Variants in SPTSSA observed in about 807,000 individuals in gnomAD.
SPTSSA encodes the protein serine palmitoyltransferase small subunit A.
SPTSSA carries 8 observed loss-of-function variants against 9.1 expected under a neutral mutation model. The ratio of observed to expected loss-of-function variants is 0.88; its 90% CI spans 0.51 to 1.58. The LOEUF is 1.58. SPTSSA is among the 40% of genes most tolerant of loss of function. SPTSSA has a pLI of 0.00. For missense variants in SPTSSA, 100 were observed against 93.8 expected (o/e 1.07, Z -0.27); for synonymous variants, 42 against 37.7 (o/e 1.11, Z -0.41).
chr14:34,448,851 T>A (rs1241680929), intron 1 of SPTSSA, among the ~76,000 whole-genome samples: 1 of 150,776 alleles, frequency 6.6e-6, no homozygotes, highest in Non-Finnish European at 1.5e-5. Flanking sequence ...AATTAAAAAA[T>A]TAGCTGGGCA....
chr14:34,459,779 T>TCACACACA (rs112310300), intron 1 of SPTSSA, among the ~76,000 whole-genome samples: 61 of 151,738 alleles, frequency 4.0e-4, no homozygotes, highest in African/African-American at 1.5e-3. Context: ...AAACACTGTC[T>TCACACACA]CACACACACA....
At chr14:34,436,149 C>T (rs1432959135) in intron 1 of SPTSSA, among the ~76,000 whole-genome samples, 1 of 152,210 alleles carries the variant, frequency 6.6e-6, no homozygotes, top group Non-Finnish European at 1.5e-5. Context: ...ATGACAGCAA[C>T]TGCTACTGCT....
rs1048090666 is a variant in SPTSSA at position 34,433,473 on chromosome 14, T to A, written c.*1728A>T. Reference sequence around the variant, plus strand: ...AATCCTCGTATTATTTTTCTTGAGATAATATGACTACAGCTCAGATATAAC... The same window carrying A: ...AATCCTCGTATTATTTTTCTTGAGAAAATATGACTACAGCTCAGATATAAC... On this transcript the variant is annotated 3_prime_UTR_variant, in exon 2 of 2. Coordinates refer to ENST00000298130, the MANE Select transcript of SPTSSA (RefSeq NM_138288.4). 6.6e-6 allele frequency: 1 copy of A among 152,174 alleles called. No homozygotes were observed. Among genetic ancestry groups the A allele is most frequent in the Non-Finnish European group, 1.5e-5 (1 of 68,032 alleles). The allele number at this position is 152,174 out of a possible 1,614,324, so 9.4% of individuals were successfully genotyped here. A position where few individuals can be genotyped will look rare whatever the true frequency, so the allele number is the denominator to read the frequency against.
intron 1 of SPTSSA, among the ~76,000 whole-genome samples, chr14:34,438,867 G>A (rs868494002): frequency 2.0e-5 from 3 of 152,258 alleles, no homozygotes; most frequent in Middle Eastern, 6.8e-3. Flanking sequence ...TTACTAGAAT[G>A]ATCCTTTTAA....
In SPTSSA at chr14:34,435,176, ACCTCTGATCCTGGTC is replaced by A. The variant is rs1883219096; in HGVS notation, c.*10_*24del. 6.3e-7 allele frequency: 1 copy of A among 1,590,310 alleles called. No individual in the cohort carries two copies. Among genetic ancestry groups the A allele is most frequent in the Admixed American group, 1.7e-5 (1 of 59,318 alleles). On this transcript the variant is annotated 3_prime_UTR_variant, in exon 2 of 2. Coordinates refer to ENST00000298130, the MANE Select transcript of SPTSSA (RefSeq NM_138288.4). ...TCGTAGGGTGGGTCTTCCCCAAGGA[ACCTCTGATCCTGGTC>A]GCATCTTGGTCATTGTACGATTTCA...
At chr14:34,448,735 C>G (rs747716300) in intron 1 of SPTSSA, among the ~76,000 whole-genome samples, 25 of 152,176 alleles carry the variant, frequency 1.6e-4, no homozygotes, top group Non-Finnish European at 1.5e-5. Context: ...TGCGTTTTGA[C>G]CAATTCTTTG....
At chr14:34,435,623 CTTTTTTT>C (rs769896697) in intron 1 of SPTSSA, among the ~76,000 whole-genome samples, 2 of 92,444 alleles carry the variant, frequency 2.2e-5, no homozygotes, top group South Asian at 7.6e-4. Flanking sequence ...GTTTGTTTCT[CTTTTTTT>C]TTTTTTTTTT....
rs113214812 is a variant in SPTSSA at position 34,441,831 on chromosome 14, A to AT, written c.113-6528dup. Among the ~76,000 whole-genome samples the AT allele has an allele frequency of 3.1e-3, 439 of 141,162 alleles. 1 individual carries two copies. The highest frequency in any genetic ancestry group is 6.1e-3 in the African/African-American group (238 of 38,996). 92.6% of individuals were successfully genotyped at this position (141,162 alleles called of 152,430 possible). Reference sequence around the variant, plus strand: ...TTCGCTTAAACCTGGGTCTTTTTCCATTTTTTTTTTTCCTTTCTTTCTTTT... The same window carrying AT: ...TTCGCTTAAACCTGGGTCTTTTTCCATTTTTTTTTTTTCCTTTCTTTCTTTT... On this transcript the variant is annotated intron_variant, in intron 1 of 1. Transcript: ENST00000298130.
At chr14:34,439,062 C>T (rs1404583890) in intron 1 of SPTSSA, among the ~76,000 whole-genome samples, 4 of 152,106 alleles carry the variant, frequency 2.6e-5, no homozygotes, top group African/African-American at 7.2e-5. Flanking sequence ...GGAGTGAGTA[C>T]AGTAGAATAG....
intron 1 of SPTSSA, among the ~76,000 whole-genome samples, chr14:34,453,296 T>C (rs1883559558): frequency 1.3e-5 from 2 of 152,192 alleles, no homozygotes; most frequent in Admixed American, 1.3e-4. Context: ...ACTCAGCTGC[T>C]ATACAGGCAG....
At chr14:34,450,009 C>A (rs375998294) in intron 1 of SPTSSA, among the ~76,000 whole-genome samples, 1 of 152,154 alleles carries the variant, frequency 6.6e-6, no homozygotes, top group Non-Finnish European at 1.5e-5. Context: ...CTGTAGGAGA[C>A]CCAGGTTTGA....
chr14:34,450,356 A>AAGTGGG (rs1883497562), intron 1 of SPTSSA, among the ~76,000 whole-genome samples: 1 of 152,222 alleles, frequency 6.6e-6, no homozygotes. Flanking sequence ...CACTTGTTTG[A>AAGTGGG]AGAGGACGTT....
chr14:34,443,680 T>C (rs1396722518), intron 1 of SPTSSA, among the ~76,000 whole-genome samples: 6 of 151,844 alleles, frequency 4.0e-5, no homozygotes, highest in Admixed American at 6.6e-5. Context: ...GGATTACAGG[T>C]GCCCGCCACC....
intron 1 of SPTSSA, among the ~76,000 whole-genome samples, chr14:34,459,432 C>A (rs1177400927): frequency 6.8e-6 from 1 of 147,806 alleles, no homozygotes; most frequent in Non-Finnish European, 1.5e-5. Context: ...ACACTCCAGC[C>A]TCGGCAACAG....
intron 1 of SPTSSA, among the ~76,000 whole-genome samples, chr14:34,459,774 C>T (rs1878580978): frequency 6.6e-6 from 1 of 151,308 alleles, no homozygotes; most frequent in African/African-American, 2.5e-5. Flanking sequence ...GAACAAAACA[C>T]TGTCTCACAC....
At chr14:34,443,014 GTGTT>G (rs754950780) in intron 1 of SPTSSA, among the ~76,000 whole-genome samples, 32 of 149,056 alleles carry the variant, frequency 2.1e-4, no homozygotes, top group Admixed American at 2.0e-3. Flanking sequence ...GGGTGTGTGT[GTGTT>G]TGTGTGTGTG....
chr14:34,438,549 T>C (rs563021199), intron 1 of SPTSSA, among the ~76,000 whole-genome samples: 1 of 152,158 alleles, frequency 6.6e-6, no homozygotes, highest in African/African-American at 2.4e-5. Flanking sequence ...ATCTATGACA[T>C]TCAACAAGGT....
At chr14:34,448,042 G>A (rs1883453046) in intron 1 of SPTSSA, among the ~76,000 whole-genome samples, 1 of 152,074 alleles carries the variant, frequency 6.6e-6, no homozygotes, top group South Asian at 2.1e-4. Context: ...ATCACTTGAG[G>A]TCAGGAGTTC....
At chr14:34,454,435 A>C (rs1455318351) in intron 1 of SPTSSA, among the ~76,000 whole-genome samples, 1 of 152,204 alleles carries the variant, frequency 6.6e-6, no homozygotes, top group Non-Finnish European at 1.5e-5. Flanking sequence ...TGTTAAGCAC[A>C]GTTTTCATTA....
Sources: allele counts gnomAD v4.1 joint callset (sites outside exome capture counted in the v4.1 genomes callset), GRCh38; gene constraint gnomAD v4.1.1; transcripts MANE v1.5; gene names NCBI Gene and HGNC (gene_info 2026-07-23, HGNC 2026-07-21).